Variants in CHPF2 observed in about 807,000 individuals in gnomAD.
The protein encoded by CHPF2 is chondroitin polymerizing factor 2, non-catalytic subunit.
In CHPF2, 58 loss-of-function variants were observed where a neutral mutation model predicts 63.0. The observed-to-expected ratio is 0.92, with a 90% confidence interval of 0.75 to 1.15. The LOEUF (loss-of-function observed/expected upper bound fraction) is 1.15. Ranked by LOEUF, CHPF2 falls within the 50% of genes most tolerant of loss-of-function variation. The pLI is 0.00. For synonymous variants in CHPF2, 442 were observed against 438.0 expected (o/e 1.01, Z -0.11); for missense variants, 1,045 against 1,035.4 (o/e 1.01, Z -0.13).
chr7:151,232,749 T>A lies in CHPF2; in HGVS notation c.-1263T>A. The A allele has an allele frequency of 6.6e-7, 1 of 1,509,726 alleles. No individual in the cohort carries two copies. Among genetic ancestry groups the A allele is most frequent in the Non-Finnish European group, 8.8e-7 (1 of 1,135,498 alleles). The allele number at this position is 1,509,726 out of a possible 1,614,324, so 93.5% of individuals were successfully genotyped here. ...GGGCCTTGGGCGTCCCTCCTGGTCC[T>A]GCGCTCGCGGCCTCGATGCTGTCTC... On this transcript the variant is annotated 5_prime_UTR_variant, in exon 1 of 4. Coordinates refer to ENST00000035307, the MANE Select transcript of CHPF2 (RefSeq NM_019015.3).
Position 151,232,784 on chromosome 7 carries a change from C to T in CHPF2, c.-1228C>T. On this transcript the variant is annotated 5_prime_UTR_variant, in exon 1 of 4. Transcript: ENST00000035307. ...GCCTCGATGCTGTCTCTGGCGCGGC[C>T]TCCGCTCCCGCCGACTGGCCTGAGA... is the stretch of plus-strand genomic sequence containing the variant. 1 of 1,504,152 alleles carries T rather than the reference C, an allele frequency of 6.6e-7. No individual in the cohort carries two copies. Among genetic ancestry groups the T allele is most frequent in the Non-Finnish European group, 8.8e-7 (1 of 1,133,018 alleles). 93.2% of individuals were successfully genotyped at this position (1,504,152 alleles called of 1,614,324 possible).
chr7:151,232,626 C>T lies in CHPF2; in HGVS notation c.-1386C>T. Reference sequence around the variant, plus strand: ...CGGGACGCCGCTCTTGGTCCCCACGCCTCCGCCCCGCCCCCTCCCGGGACG... The same window carrying T: ...CGGGACGCCGCTCTTGGTCCCCACGTCTCCGCCCCGCCCCCTCCCGGGACG... On this transcript the variant is annotated 5_prime_UTR_variant, in exon 1 of 4. Transcript: ENST00000035307. 1 of 839,556 alleles carries T rather than the reference C, an allele frequency of 1.2e-6. No homozygotes were observed. The highest frequency in any genetic ancestry group is 1.8e-6 in the Non-Finnish European group (1 of 570,520). 52.0% of individuals were successfully genotyped at this position (839,556 alleles called of 1,614,324 possible).
intron 2 of CHPF2, among the ~76,000 whole-genome samples, chr7:151,236,154 T>G (rs1242456693): frequency 6.6e-6 from 1 of 152,238 alleles, no homozygotes; most frequent in Non-Finnish European, 1.5e-5. Context: ...GATGGCTCCT[T>G]GCAGAGCAGG....
rs1028860769 is a variant in CHPF2 at position 151,233,822 on chromosome 7, A to T, written c.-190A>T. The T allele has an allele frequency of 8.0e-7, 1 of 1,245,180 alleles. No individual in the cohort carries two copies. The highest frequency in any genetic ancestry group is 3.1e-5 in the East Asian group (1 of 31,782). The allele number at this position is 1,245,180 out of a possible 1,614,324, so 77.1% of individuals were successfully genotyped here. On this transcript the variant is annotated 5_prime_UTR_variant, in exon 1 of 4. Coordinates refer to ENST00000035307, the MANE Select transcript of CHPF2 (RefSeq NM_019015.3). ...TCACAGTTGAAGAGCAGGCAGAAGG[A>T]GTTGTGAAGACAGGACAATCTTCTT...
At position 151,237,495 on chromosome 7, in the gene CHPF2, TCA is replaced by T; in HGVS notation, c.1136_1137del (p.Thr379ArgfsTer20). On this transcript the variant is annotated frameshift_variant, in exon 4 of 4. Transcript: ENST00000035307. LOFTEE classifies it high-confidence loss of function. ...TTTGAGGTGCTGGGCTGGGACTACT[TCA>T]CAGAGCAGCACACCTTCTCCTGTGC... 6.2e-7 allele frequency: 1 copy of T among 1,614,030 alleles called. No individual in the cohort carries two copies. Among genetic ancestry groups the T allele is most frequent in the East Asian group, 2.2e-5 (1 of 44,894 alleles).
At position 151,235,355 on chromosome 7, in the gene CHPF2, C is replaced by A. The variant is rs771120675; in HGVS notation, c.571C>A (p.Arg191Ser). 1.2e-6 allele frequency: 2 copies of A among 1,613,950 alleles called. No homozygotes were observed. Among genetic ancestry groups the A allele is most frequent in the Non-Finnish European group, 1.7e-6 (2 of 1,180,026 alleles). Residue 191 changes from arginine (R) to serine (S), a missense_variant, in exon 2 of 4, where the codon CGC (arginine) becomes AGC (serine). Transcript: ENST00000035307. The part of the protein sequence containing the change: ...MQDDTYVQAP[R>S]LAALAGHLSI... ...GGATGACACATATGTGCAGGCCCCC[C>A]GCCTGGCAGCCCTTGCTGGCCACCT...
In CHPF2 at chr7:151,238,105, G is replaced by A. The variant is rs535929938; in HGVS notation, c.1743G>A (p.Ser581=). ...PSQVRLMDVV[S]KKHPVDTLFF... ...AGGTGCGACTCATGGACGTGGTCTC[G>A]AAGAAGCACCCTGTGGACACTCTCT... The change falls in exon 4 of 4, where the codon TCG becomes TCA. Residue 581 remains serine, a synonymous_variant. Coordinates refer to ENST00000035307, the MANE Select transcript of CHPF2 (RefSeq NM_019015.3). 48 of 1,612,282 alleles carry A rather than the reference G, an allele frequency of 3.0e-5. No homozygotes were observed. Among genetic ancestry groups the A allele is most frequent in the African/African-American group, 1.5e-4 (11 of 75,064 alleles).
rs749260591 is a variant in CHPF2 at position 151,235,532 on chromosome 7, A to G, written c.748A>G (p.Ile250Val). The change falls in exon 2 of 4, where the codon ATT becomes GTT. Residue 250 changes from isoleucine (I) to valine (V), a missense_variant. Ile to Val is a conservative substitution (Grantham distance 29). Transcript: ENST00000035307. Reference sequence around the variant, plus strand: ...ACATCTGGATGGCTGCCGAGGAGACATTCTCAGTGCCCGTCCTGACGAGTG... The same window carrying G: ...ACATCTGGATGGCTGCCGAGGAGACGTTCTCAGTGCCCGTCCTGACGAGTG... ...RPHLDGCRGD[I>V]LSARPDEWLG... The G allele has an allele frequency of 1.9e-6, 3 of 1,611,252 alleles. No individual in the cohort carries two copies. The South Asian group carries it at 3.3e-5, about 18-fold the overall frequency.
Position 151,233,526 on chromosome 7 carries a change from G to C in CHPF2, c.-486G>C. The C allele has an allele frequency of 3.0e-6, 3 of 986,196 alleles. No individual in the cohort carries two copies. Among genetic ancestry groups the C allele is most frequent in the Non-Finnish European group, 3.6e-6 (3 of 830,468 alleles). 61.1% of individuals were successfully genotyped at this position (986,196 alleles called of 1,614,324 possible). ...GATGCCAGAGGCAGGCATTCTTCCG[G>C]AAAGGCCCACTGAGGCAGGCTCCGG... is the stretch of plus-strand genomic sequence containing the variant. On this transcript the variant is annotated 5_prime_UTR_variant, in exon 1 of 4. Coordinates refer to ENST00000035307, the MANE Select transcript of CHPF2 (RefSeq NM_019015.3).
intron 3 of CHPF2, among the ~76,000 whole-genome samples, 161 bp downstream of exon 3, chr7:151,236,751 C>G (rs550602888): frequency 6.6e-6 from 1 of 152,184 alleles, no homozygotes; most frequent in Non-Finnish European, 1.5e-5. Context: ...AAATTTAAAG[C>G]AACTACAGGG....
rs187857941 is a variant in CHPF2, at chr7:151,233,883, C to G, written c.-129C>G. 8.1e-5 allele frequency: 106 copies of G among 1,308,124 alleles called. No homozygotes were observed. The Middle Eastern group carries it at 2.4e-3, about 29-fold the overall frequency. The allele number at this position is 1,308,124 out of a possible 1,614,324, so 81.0% of individuals were successfully genotyped here. On this transcript the variant is annotated 5_prime_UTR_variant, in exon 1 of 4. Transcript: ENST00000035307. The stretch of plus-strand genomic sequence containing the variant: ...GTCCTGGAAGCCAGCGGGCCTCGCT[C>G]TGTCTTTGGCCTCATTGACCCCAGG...
At position 151,238,440 on chromosome 7, in the gene CHPF2, AG is replaced by A. The variant is rs768859356; in HGVS notation, c.2080del (p.Glu694LysfsTer11). 6.3e-7 allele frequency: 1 copy of A among 1,586,822 alleles called. No individual in the cohort carries two copies. Among genetic ancestry groups the A allele is most frequent in the East Asian group, 2.3e-5 (1 of 43,664 alleles). On this transcript the variant is annotated frameshift_variant, in exon 4 of 4. Coordinates refer to ENST00000035307, the MANE Select transcript of CHPF2 (RefSeq NM_019015.3). LOFTEE classifies it high-confidence loss of function. ...RARLAGELAG[Q>X]EEEEALEGLE... ...CGGCTGGCAGGTGAACTGGCAGGCC[AG>A]GAAGAGGAGGAAGCCCTGGAGGGGC... is the stretch of plus-strand genomic sequence containing the variant.
In CHPF2 at chr7:151,237,479, C is replaced by T. The variant is rs150038258; in HGVS notation, c.1117C>T (p.Leu373=). 1.9e-3 allele frequency: 3,082 copies of T among 1,613,988 alleles called. 94 individuals are homozygous for T. In the South Asian group the frequency reaches 0.032, roughly 17 times the overall value. The change falls in exon 4 of 4, where the codon CTG becomes TTG. Residue 373 remains leucine (L), a synonymous_variant. Transcript: ENST00000035307. ...PFTPHSRFEV[L]GWDYFTEQHT... is the part of the protein sequence containing the mutation. ...CACACCACACTCTCGCTTTGAGGTG[C>T]TGGGCTGGGACTACTTCACAGAGCA...
rs1170042734 is a variant in CHPF2, at chr7:151,232,870, G to C, written c.-1142G>C. The stretch of plus-strand genomic sequence containing the variant: ...CCGACCCCGCCTCGCAGAACGACCC[G>C]AGCTGGTCTCCCGAGCCCCCTTCTC... On this transcript the variant is annotated 5_prime_UTR_variant, in exon 1 of 4. Transcript: ENST00000035307. 7.0e-7 allele frequency: 1 copy of C among 1,419,648 alleles called. No individual in the cohort carries two copies. Among genetic ancestry groups the C allele is most frequent in the Admixed American group, 2.9e-5 (1 of 34,432 alleles). The allele number at this position is 1,419,648 out of a possible 1,614,324, so 87.9% of individuals were successfully genotyped here.
Position 151,237,626 on chromosome 7 carries a change from C to G in CHPF2, c.1264C>G (p.Leu422Val). ...EQLNRRYQPR[L>V]RFQKQRLLNG... The stretch of plus-strand genomic sequence containing the variant: ...GCTCAATCGGCGCTATCAGCCCCGC[C>G]TGCGCTTCCAGAAGCAGCGACTGCT... Residue 422 changes from leucine (L) to valine (V), a missense_variant, in exon 4 of 4, where the codon CTG becomes GTG. Leu to Val is a conservative substitution (Grantham distance 32). Transcript: ENST00000035307. 6.2e-7 allele frequency: 1 copy of G among 1,613,268 alleles called. No homozygotes were observed. The highest frequency in any genetic ancestry group is 1.1e-5 in the South Asian group (1 of 91,090).
rs374153156 is a variant in CHPF2, at chr7:151,235,855, C to T, written c.828+243C>T. 1.1e-4 allele frequency among the ~76,000 whole-genome samples: 16 copies of T among 141,856 alleles called. 1 individual carries two copies. In the East Asian group the frequency reaches 3.2e-3, roughly 28 times the overall value. The allele number at this position is 141,856 out of a possible 152,430, so 93.1% of individuals were successfully genotyped here. ...CTACTCAGCAGTCCTTCTCCCCTGC[C>T]CCCCTGCCCTCCACACCTCCCCCGA... On this transcript the variant is annotated intron_variant, in intron 2 of 3. Coordinates refer to ENST00000035307, the MANE Select transcript of CHPF2 (RefSeq NM_019015.3).
chr7:151,237,064 G>A (rs1802680924), intron 3 of CHPF2: 4 of 602,090 alleles, frequency 6.6e-6, no homozygotes, highest in Non-Finnish European at 9.4e-6. Context: ...TGAAGAGGAT[G>A]TGAGTCCTTT....
At position 151,237,473 on chromosome 7, in the gene CHPF2, G is replaced by C. The variant is rs757932791; in HGVS notation, c.1111G>C (p.Glu371Gln). ...PAPFTPHSRF[E>Q]VLGWDYFTEQ... ...TCCTTTCACACCACACTCTCGCTTT[G>C]AGGTGCTGGGCTGGGACTACTTCAC... Residue 371 changes from glutamate to glutamine, a missense_variant, in exon 4 of 4, where the codon GAG (glutamate) becomes CAG (glutamine). Physicochemically the swap from Glu to Gln is conservative, Grantham distance 29. Transcript: ENST00000035307. The C allele has an allele frequency of 2.5e-6, 4 of 1,613,896 alleles. No homozygotes were observed. The highest frequency in any genetic ancestry group is 2.7e-5 in the African/African-American group (2 of 74,948).
At position 151,235,608 on chromosome 7, in the gene CHPF2, A is replaced by C. The variant is rs778282215; in HGVS notation, c.824A>C (p.His275Pro). 1.2e-5 allele frequency: 20 copies of C among 1,601,860 alleles called. No homozygotes were observed. The Admixed American group carries it at 3.3e-4, about 27-fold the overall frequency. ...CTGGGCGTCGGCTGTGTCTCACAGC[A>C]CCAGGTGACAGCTCTTTCAAGTCAG... ...DSLGVGCVSQ[H>P]QGQQYRSFEL... The change falls in exon 2 of 4, where the codon CAC becomes CCC. Residue 275 changes from histidine to proline, a missense_variant. Physicochemically the swap from His to Pro is moderately conservative, Grantham distance 77. Transcript: ENST00000035307.
Sources: allele counts gnomAD v4.1 joint callset (sites outside exome capture counted in the v4.1 genomes callset), GRCh38; gene constraint gnomAD v4.1.1; transcripts MANE v1.5; gene names NCBI Gene and HGNC (gene_info 2026-07-23, HGNC 2026-07-21).